RTL9: variants seen among roughly 807,000 people sequenced by gnomAD.
The protein encoded by RTL9 is retrotransposon Gag like 9, also known as retrotransposon Gag-like protein 9.
A neutral mutation model predicts 44.7 loss-of-function variants in RTL9; 19 were observed. The observed-to-expected ratio is 0.42, with a 90% CI of 0.30 to 0.62. The LOEUF is 0.62. RTL9 is among the 20% of genes least tolerant of loss of function. The pLI is 0.16. For synonymous variants in RTL9, 407 were observed against 398.9 expected (o/e 1.02, Z -0.24); for missense variants, 1,105 against 1,080.6 (o/e 1.02, Z -0.32).
At position 110,451,507 on chromosome X, in the gene RTL9, C is replaced by T. The variant is rs771768405; in HGVS notation, c.890C>T (p.Pro297Leu). Residue 297 changes from proline (P) to leucine (L), a missense_variant, in exon 1 of 2, where the codon CCG becomes CTG. Transcript: ENST00000540313. ...CAAAACTCTGGGGGAATACCTACCC[C>T]GCTCATGTCAGATCTAGACTCTGGA... 8 of 1,211,957 alleles carry T rather than the reference C, an allele frequency of 6.6e-6. No individual in the cohort carries two copies. The highest frequency in any genetic ancestry group is 4.3e-5 in the Admixed American group (2 of 46,082).
chrX:110,431,132 C>T (rs986940285), intron 1 of RTL9, among the ~76,000 whole-genome samples: 2 of 111,934 alleles, frequency 1.8e-5, no homozygotes, highest in African/African-American at 6.5e-5. Context: ...CTATCTTTGC[C>T]AAGATCAGGA....
chrX:110,403,227 A>G (rs1244606361), intron 1 of RTL9, among the ~76,000 whole-genome samples: 1 of 112,244 alleles, frequency 8.9e-6, no homozygotes, highest in Non-Finnish European at 1.9e-5. Flanking sequence ...ACACATTGCA[A>G]ACCTCACAGA....
intron 1 of RTL9, among the ~76,000 whole-genome samples, chrX:110,413,930 A>T (rs866522657): frequency 2.7e-5 from 3 of 111,973 alleles, no homozygotes; most frequent in Non-Finnish European, 5.6e-5. Context: ...CAATAACTTT[A>T]TGAGGAAGAT....
At chrX:110,366,248 T>G (rs1475358188) in intron 1 of RTL9, among the ~76,000 whole-genome samples, 1 of 111,970 alleles carries the variant, frequency 8.9e-6, no homozygotes, top group African/African-American at 3.2e-5. Context: ...TAGTATTACA[T>G]AAAGAGCTCC....
Position 110,442,105 on chromosome X carries a change from A to G in RTL9, c.-167-3048A>G, listed in dbSNP as rs745769416. ...CAGGGACTGAGCAGGTCGCTGAAAAAGTAAAGGTGGCCTTATGGGTACTGA... is the reference window on the plus strand; with the variant it reads ...CAGGGACTGAGCAGGTCGCTGAAAAGGTAAAGGTGGCCTTATGGGTACTGA... On this transcript the variant is annotated intron_variant, in intron 1 of 3. Transcript: ENST00000465301. Among the ~76,000 whole-genome samples the G allele has an allele frequency of 2.0e-3, 221 of 111,212 alleles. 1 individual carries two copies. Among genetic ancestry groups the G allele is most frequent in the African/African-American group, 7.2e-3 (221 of 30,548 alleles).
At chrX:110,391,084 T>A (rs1205021105) in intron 1 of RTL9, among the ~76,000 whole-genome samples, 1 of 112,092 alleles carries the variant, frequency 8.9e-6, no homozygotes, top group East Asian at 2.8e-4. Flanking sequence ...TTTGGGTTAT[T>A]TTCTAGTGAT....
At position 110,451,078 on chromosome X, in the gene RTL9, C is replaced by T. The variant is rs767707437; in HGVS notation, c.461C>T (p.Thr154Met). 1.9e-5 allele frequency: 23 copies of T among 1,210,587 alleles called. No homozygotes were observed. In the East Asian group the frequency reaches 5.3e-4, roughly 28 times the overall value. ...CCTGATTTTGGAACGATGTCCGCAA[C>T]GCTAATGGTAGCACCAGATTCTGCA... Residue 154 changes from threonine (T) to methionine (M), a missense_variant, in exon 1 of 2, where the codon ACG (threonine) becomes ATG (methionine). Physicochemically the swap from Thr to Met is moderately conservative, Grantham distance 81. Transcript: ENST00000540313.
At chrX:110,442,261 G>C (rs867902893) in intron 1 of RTL9, among the ~76,000 whole-genome samples, 117 of 107,258 alleles carry the variant, frequency 1.1e-3, no homozygotes, top group Non-Finnish European at 1.2e-3. Flanking sequence ...GTGTGTGTGT[G>C]TGTGTGTGTG....
chrX:110,399,161 A>G (rs1002933008), intron 1 of RTL9, among the ~76,000 whole-genome samples: 3 of 112,471 alleles, frequency 2.7e-5, no homozygotes, highest in African/African-American at 9.7e-5. Flanking sequence ...AGTGTATCAC[A>G]TAATGAGTGT....
At chrX:110,427,817 A>G (rs2068765157) in intron 1 of RTL9, among the ~76,000 whole-genome samples, 1 of 111,768 alleles carries the variant, frequency 8.9e-6, no homozygotes, top group Non-Finnish European at 1.9e-5. Flanking sequence ...GTCATTTGCA[A>G]TTCTCTTAGA....
Position 110,413,283 on chromosome X carries a change from A to T in RTL9, c.-167-31870A>T, listed in dbSNP as rs753091934. Among the ~76,000 whole-genome samples, 6 of 111,246 alleles carry T rather than the reference A, an allele frequency of 5.4e-5. No homozygotes were observed. The South Asian group carries it at 1.5e-3, about 28-fold the overall frequency. On this transcript the variant is annotated intron_variant, in intron 1 of 2. Coordinates refer to the RTL9 transcript ENST00000520821. ...CCGGGCCTGGAAGTGCTGAAACCTG[A>T]GTCTCCACGGCGGATCTCACGGCTT...
chrX:110,430,684 C>A (rs781010608), intron 1 of RTL9, among the ~76,000 whole-genome samples: 4 of 112,170 alleles, frequency 3.6e-5, no homozygotes, highest in Non-Finnish European at 7.5e-5. Context: ...GTCAGTTAAC[C>A]CTTGTATATA....
chrX:110,398,994 G>C (rs1429784670), intron 1 of RTL9, among the ~76,000 whole-genome samples: 1 of 111,956 alleles, frequency 8.9e-6, no homozygotes, highest in African/African-American at 3.3e-5. Flanking sequence ...TGTTGACTAG[G>C]AGAGTGGTGG....
At chrX:110,376,906 C>T (rs1258909435) in intron 1 of RTL9, among the ~76,000 whole-genome samples, 1 of 111,530 alleles carries the variant, frequency 9.0e-6, no homozygotes, top group Non-Finnish European at 1.9e-5. Flanking sequence ...GACGGTATGA[C>T]GTTGGGTCAT....
intron 1 of RTL9, among the ~76,000 whole-genome samples, chrX:110,419,467 C>A (rs2068702115): frequency 8.9e-6 from 1 of 112,445 alleles, no homozygotes; most frequent in Admixed American, 9.4e-5. Context: ...GCTTCCTTAA[C>A]CCCATTTACT....
intron 1 of RTL9, among the ~76,000 whole-genome samples, chrX:110,384,468 T>C (rs977869880): frequency 2.7e-5 from 3 of 111,870 alleles, no homozygotes; most frequent in Admixed American, 9.5e-5. Flanking sequence ...ACCTAGCACA[T>C]AATAACATAA....
At chrX:110,422,947 G>T (rs1212664739) in intron 1 of RTL9, among the ~76,000 whole-genome samples, 1 of 112,291 alleles carries the variant, frequency 8.9e-6, no homozygotes, top group Non-Finnish European at 1.9e-5. Context: ...GAGGGGCAAA[G>T]AACAGAAAGA....
intron 1 of RTL9, among the ~76,000 whole-genome samples, chrX:110,429,332 A>G (rs770515178): frequency 9.0e-6 from 1 of 110,715 alleles, no homozygotes; most frequent in Non-Finnish European, 1.9e-5. Context: ...CCAGTCACTG[A>G]GTTTGCCAAA....
chrX:110,408,895 C>G (rs934687219), intron 1 of RTL9, among the ~76,000 whole-genome samples: 3 of 111,868 alleles, frequency 2.7e-5, no homozygotes, highest in Non-Finnish European at 5.6e-5. Context: ...TCTTTTTGAA[C>G]TTATGCGTGT....
Sources: allele counts gnomAD v4.1 joint callset (sites outside exome capture counted in the v4.1 genomes callset), GRCh38; gene constraint gnomAD v4.1.1; transcripts MANE v1.5; gene names NCBI Gene and HGNC (gene_info 2026-07-23, HGNC 2026-07-21).